The following DMXL1 variants were observed in gnomAD, a reference collection of about 807,000 sequenced individuals.
DMXL1 encodes dmX-like protein 1.
Under a neutral mutation model 319.2 loss-of-function variants are expected in DMXL1, and 99 were observed. The observed-to-expected ratio is 0.31, with a 90% CI of 0.26 to 0.37. The LOEUF is 0.37. DMXL1 is among the 10% of genes least tolerant of loss of function. The pLI is 1.00. For missense variants in DMXL1, 3,745 were observed against 3,595.6 expected, an observed-to-expected ratio of 1.04 and a Z score of -1.06; for synonymous variants, 1,385 against 1,235.2, an observed-to-expected ratio of 1.12 and a Z score of -2.54.
intron 4 of DMXL1, among the ~76,000 whole-genome samples, chr5:119,108,668 C>A (rs1331497307): frequency 6.6e-6 from 1 of 152,192 alleles, no homozygotes; most frequent in Non-Finnish European, 1.5e-5. Context: ...AGTCCTCCCA[C>A]CTTGGCCTCC....
chr5:119,141,284 C>A (rs1158258335), intron 13 of DMXL1, among the ~76,000 whole-genome samples: 1 of 151,936 alleles, frequency 6.6e-6, no homozygotes. Flanking sequence ...TAAAAGGCAT[C>A]TAAATAGGAA....
At chr5:119,153,792 C>A (rs985862674) in intron 19 of DMXL1, among the ~76,000 whole-genome samples, 1 of 152,180 alleles carries the variant, frequency 6.6e-6, no homozygotes, top group Non-Finnish European at 1.5e-5. Flanking sequence ...TACAGGCATA[C>A]TCCTTTTTAT....
chr5:119,171,978 G>A lies in DMXL1; in HGVS notation c.6681+9G>A, dbSNP rs1259345611. The A allele has an allele frequency of 1.9e-6, 3 of 1,599,824 alleles. No homozygotes were observed. Among genetic ancestry groups the A allele is most frequent in the South Asian group, 1.1e-5 (1 of 88,476 alleles). On this transcript the variant is annotated intron_variant, in intron 25 of 43. Coordinates refer to ENST00000539542, the MANE Select transcript of DMXL1 (RefSeq NM_001290321.3). ...ATATCCAAAGCAATAAAGTAAGTAT[G>A]CTTGGTTTCAAGCTTTTACTTCATC... is the stretch of plus-strand genomic sequence containing the variant.
intron 33 of DMXL1, among the ~76,000 whole-genome samples, chr5:119,205,853 TA>T (rs1326657644): frequency 6.6e-6 from 1 of 152,158 alleles, no homozygotes; most frequent in Non-Finnish European, 1.5e-5. Flanking sequence ...CTTATTTTTC[TA>T]AAATGATGAT....
intron 34 of DMXL1, among the ~76,000 whole-genome samples, chr5:119,209,252 A>G (rs182893744): frequency 6.6e-6 from 1 of 152,182 alleles, no homozygotes; most frequent in East Asian, 1.9e-4. Flanking sequence ...ATGTGTAGGT[A>G]TATGTTAAAC....
chr5:119,124,812 C>T (rs887312857), intron 9 of DMXL1, among the ~76,000 whole-genome samples: 7 of 152,154 alleles, frequency 4.6e-5, no homozygotes, highest in Non-Finnish European at 7.4e-5. Flanking sequence ...CGTGATCTGC[C>T]TGCCTTGGCC....
intron 19 of DMXL1, 71 bp downstream of exon 19, chr5:119,152,107 C>G (rs1769931199): frequency 1.0e-6 from 1 of 998,886 alleles, no homozygotes; most frequent in South Asian, 1.6e-5. Flanking sequence ...AGTTTTTAAA[C>G]TTGTTTTTAC....
In DMXL1 at chr5:119,232,507, G is replaced by A. The variant is rs1381275107; in HGVS notation, c.8339-833G>A. On this transcript the variant is annotated intron_variant, in intron 38 of 43. Coordinates refer to ENST00000539542, the MANE Select transcript of DMXL1 (RefSeq NM_001290321.3). ...TTATATGTTAGGCATATTTCTGGGT[G>A]CCTTATATATGTGATCTCATTTTCT... Among the ~76,000 whole-genome samples the A allele has an allele frequency of 3.3e-5, 5 of 152,164 alleles. No homozygotes were observed. In the South Asian group the frequency reaches 8.3e-4, roughly 25 times the overall value.
intron 32 of DMXL1, among the ~76,000 whole-genome samples, chr5:119,202,864 C>CATATATATATATATATTTTTAT (rs1561865071): frequency 1.3e-5 from 1 of 74,314 alleles, no homozygotes; most frequent in African/African-American, 4.4e-5. Context: ...AATATACATA[C>CATATATATATATATATTTTTAT]ATATATATAT....
At chr5:119,189,222 GT>G (rs771338862) in intron 28 of DMXL1, among the ~76,000 whole-genome samples, 4 of 152,094 alleles carry the variant, frequency 2.6e-5, no homozygotes, top group Non-Finnish European at 4.4e-5. Context: ...GTTTGAATCA[GT>G]TTAAGTAGTT....
chr5:119,191,741 A>G (rs749933080), intron 29 of DMXL1, among the ~76,000 whole-genome samples: 19 of 152,138 alleles, frequency 1.2e-4, no homozygotes, highest in Non-Finnish European at 1.0e-4. Flanking sequence ...TAGAATTTTA[A>G]AGACAATCCT....
chr5:119,115,621 A>G (rs919143168), intron 6 of DMXL1, among the ~76,000 whole-genome samples: 1 of 152,194 alleles, frequency 6.6e-6, no homozygotes, highest in Non-Finnish European at 1.5e-5. Flanking sequence ...AGTACCTGGT[A>G]CATTCTAGTC....
chr5:119,075,255 T>C (rs1363809441), intron 1 of DMXL1, among the ~76,000 whole-genome samples: 1 of 150,444 alleles, frequency 6.6e-6, no homozygotes, highest in Non-Finnish European at 1.5e-5. Context: ...TTTTTTTTTT[T>C]TGGAGACTGA....
chr5:119,214,132 G>A (rs150113417), intron 34 of DMXL1, among the ~76,000 whole-genome samples: 104 of 152,176 alleles, frequency 6.8e-4, no homozygotes, highest in African/African-American at 2.4e-3. Context: ...CCGAACTCCA[G>A]ACATTGCCTG....
chr5:119,105,987 G>A (rs968538628), intron 4 of DMXL1, among the ~76,000 whole-genome samples: 31 of 152,004 alleles, frequency 2.0e-4, no homozygotes, highest in Admixed American at 1.6e-3. Context: ...ATGATGGATG[G>A]CTTAAAACAT....
chr5:119,139,906 A>G (rs764642620), intron 13 of DMXL1, among the ~76,000 whole-genome samples: 1 of 152,208 alleles, frequency 6.6e-6, no homozygotes, highest in Non-Finnish European at 1.5e-5. Context: ...AGAAGAACCA[A>G]AATCATACCA....
intron 9 of DMXL1, among the ~76,000 whole-genome samples, chr5:119,122,702 A>G (rs981392699): frequency 6.7e-6 from 1 of 150,218 alleles, no homozygotes; most frequent in African/African-American, 2.5e-5. Context: ...CACATCCCAG[A>G]CGGGGCGGCG....
At chr5:119,206,409 T>C (rs995158138) in intron 33 of DMXL1, 1 of 152,588 alleles carries the variant, frequency 6.6e-6, no homozygotes, top group African/African-American at 2.4e-5. Flanking sequence ...TGAAATTTTC[T>C]AATCAAGAGA....
At chr5:119,228,048 C>G (rs1238097101) in intron 38 of DMXL1, among the ~76,000 whole-genome samples, 2 of 152,274 alleles carry the variant, frequency 1.3e-5, no homozygotes, top group East Asian at 3.9e-4. Flanking sequence ...TGTTTCAAAA[C>G]CATAATTATT....
Sources: gnomAD v4.1 joint callset for allele counts (sites outside exome capture counted in the v4.1 genomes callset) on GRCh38, gnomAD v4.1.1 for gene constraint, MANE v1.5 for transcripts, NCBI Gene and HGNC (gene_info 2026-07-23, HGNC 2026-07-21) for gene names.